Variants in NELL1 observed in about 807,000 individuals in gnomAD.
The protein encoded by NELL1 is neural EGFL like 1.
Under a neutral mutation model 107.4 loss-of-function variants are expected in NELL1, and 76 were observed. That is an observed-to-expected ratio of 0.71 (90% CI 0.59 to 0.86). The LOEUF (loss-of-function observed/expected upper bound fraction) is 0.86. NELL1 is among the 40% of genes least tolerant of loss of function. The pLI, the probability that NELL1 is intolerant of heterozygous loss-of-function variation, is 0.00. For missense variants in NELL1, 1,024 were observed against 1,005.5 expected, an observed-to-expected ratio of 1.02 and a Z score of -0.25; for synonymous variants, 353 against 341.2, an observed-to-expected ratio of 1.03 and a Z score of -0.38.
At chr11:21,170,436 G>A (rs1856579069) in intron 13 of NELL1, among the ~76,000 whole-genome samples, 1 of 151,664 alleles carries the variant, frequency 6.6e-6, no homozygotes, top group African/African-American at 2.4e-5. Flanking sequence ...CAGGAGTAAA[G>A]GCTGATCCAC....
rs1252653762 is a variant in NELL1, at chr11:20,756,601, T to A, written c.185-27079T>A. ...TGGTCTGGATCTCCTGACCTCGTGATCCGCCCACCTTGGCCTCCGAAAGTG... is the reference window on the plus strand; with the variant it reads ...TGGTCTGGATCTCCTGACCTCGTGAACCGCCCACCTTGGCCTCCGAAAGTG... On this transcript the variant is annotated intron_variant, in intron 2 of 19. Transcript: ENST00000357134. Among the ~76,000 whole-genome samples the A allele has an allele frequency of 2.0e-5, 3 of 146,934 alleles. No homozygotes were observed. The Admixed American group carries it at 2.1e-4, about 10-fold the overall frequency.
At chr11:21,341,432 G>A (rs746232765) in intron 14 of NELL1, among the ~76,000 whole-genome samples, 5 of 152,166 alleles carry the variant, frequency 3.3e-5, no homozygotes, top group Non-Finnish European at 5.9e-5. Flanking sequence ...GTGTGTGGCA[G>A]GCAAAGGGGA....
At chr11:21,137,111 T>C (rs191352830) in intron 13 of NELL1, among the ~76,000 whole-genome samples, 50 of 152,316 alleles carry the variant, frequency 3.3e-4, no homozygotes, top group Non-Finnish European at 6.6e-4. Context: ...TTTAAATTCA[T>C]GGTGAATTCA....
intron 3 of NELL1, among the ~76,000 whole-genome samples, chr11:20,812,835 C>T (rs868602884): frequency 4.9e-4 from 73 of 150,424 alleles, no homozygotes; most frequent in Middle Eastern, 3.4e-3. Context: ...GGTGAAACCC[C>T]GTCTGTACTA....
Position 21,370,582 on chromosome 11 carries a change from A to ATACT in NELL1, c.1550-271_1550-270insTACT, listed in dbSNP as rs1435083042. ...GATTTCAAATGTATAAATGAGAGTA[A>ATACT]AAGTTATAGCGGTTACTACTAGCTA... On this transcript the variant is annotated intron_variant, in intron 14 of 19. Transcript: ENST00000357134. Among the ~76,000 whole-genome samples, 3 of 152,118 alleles carry ATACT rather than the reference A, an allele frequency of 2.0e-5. No homozygotes were observed. In the East Asian group the frequency reaches 5.8e-4, roughly 29 times the overall value.
intron 7 of NELL1, among the ~76,000 whole-genome samples, chr11:20,920,455 G>GA (rs1431124855): frequency 6.6e-6 from 1 of 152,096 alleles, no homozygotes; most frequent in East Asian, 1.9e-4. Context: ...GGAAAGGAGA[G>GA]ATGGAAAACT....
At chr11:21,003,750 G>C (rs1217630529) in intron 12 of NELL1, among the ~76,000 whole-genome samples, 1 of 152,022 alleles carries the variant, frequency 6.6e-6, no homozygotes, top group Non-Finnish European at 1.5e-5. Context: ...GAAACAAACT[G>C]TGAGCACTAA....
chr11:20,791,079 A>G (rs1335014120), intron 3 of NELL1, among the ~76,000 whole-genome samples: 1 of 152,128 alleles, frequency 6.6e-6, no homozygotes, highest in Non-Finnish European at 1.5e-5. Context: ...TTTCATATGA[A>G]TTTTAGGACC....
chr11:21,090,208 G>T (rs1197350734), intron 12 of NELL1, among the ~76,000 whole-genome samples: 1 of 152,126 alleles, frequency 6.6e-6, no homozygotes, highest in African/African-American at 2.4e-5. Flanking sequence ...GGTCTCAGCT[G>T]GGTTTATAAA....
intron 2 of NELL1, among the ~76,000 whole-genome samples, chr11:20,720,352 C>T (rs1454823260): frequency 6.6e-6 from 1 of 151,740 alleles, no homozygotes; most frequent in Non-Finnish European, 1.5e-5. Context: ...GGACTACAGG[C>T]GTGCGCCACC....
Position 20,917,022 on chromosome 11 carries a change from A to C in NELL1, c.604-1160A>C, listed in dbSNP as rs543417609. ...GTCTCAAATTGCCACATGTGCTTGAAGGTGTGATAGCCTCTCAAAGAGTTA... is the reference window on the plus strand; with the variant it reads ...GTCTCAAATTGCCACATGTGCTTGACGGTGTGATAGCCTCTCAAAGAGTTA... On this transcript the variant is annotated intron_variant, in intron 5 of 19. Coordinates refer to ENST00000357134, the MANE Select transcript of NELL1 (RefSeq NM_006157.5). 1.8e-4 allele frequency among the ~76,000 whole-genome samples: 28 copies of C among 151,892 alleles called. 1 individual carries two copies. Among genetic ancestry groups the C allele is most frequent in the Admixed American group, 2.0e-4 (3 of 15,214 alleles).
intron 13 of NELL1, among the ~76,000 whole-genome samples, chr11:21,217,897 G>C (rs1857657260): frequency 6.6e-6 from 1 of 152,182 alleles, no homozygotes; most frequent in South Asian, 2.1e-4. Context: ...ACTGACGCCA[G>C]AGTCACTGTT....
chr11:21,242,764 C>T (rs1305780554), intron 14 of NELL1, among the ~76,000 whole-genome samples: 1 of 152,124 alleles, frequency 6.6e-6, no homozygotes, highest in Non-Finnish European at 1.5e-5. Flanking sequence ...AAATTAAAGA[C>T]AGTTGCTTTT....
At chr11:20,773,988 T>TTC (rs1032941662) in intron 2 of NELL1, among the ~76,000 whole-genome samples, 1 of 151,376 alleles carries the variant, frequency 6.6e-6, no homozygotes, top group Non-Finnish European at 1.5e-5. Flanking sequence ...CTTTCTTCTC[T>TTC]TCTCTCTCTC....
At position 21,458,450 on chromosome 11, in the gene NELL1, A is replaced by G. The variant is rs116714601; in HGVS notation, c.1646-75924A>G. Among the ~76,000 whole-genome samples, 1,032 of 152,318 alleles carry G rather than the reference A, an allele frequency of 6.8e-3. 10 individuals are homozygous for G. Among genetic ancestry groups the G allele is most frequent in the African/African-American group, 0.024 (986 of 41,596 alleles). The stretch of plus-strand genomic sequence containing the variant: ...TCACAGAATCATTTATAATAAGGAA[A>G]AAAGGAAACAATCTTTATGCTGAAC... On this transcript the variant is annotated intron_variant, in intron 15 of 19. Coordinates refer to ENST00000357134, the MANE Select transcript of NELL1 (RefSeq NM_006157.5).
At chr11:20,864,117 AC>A (rs1564940036) in intron 4 of NELL1, among the ~76,000 whole-genome samples, 4 of 139,696 alleles carry the variant, frequency 2.9e-5, no homozygotes, top group African/African-American at 1.3e-4. Flanking sequence ...GGAGAGGGAG[AC>A]TGTGGGGAGA....
intron 2 of NELL1, among the ~76,000 whole-genome samples, chr11:20,707,053 C>G (rs1187049909): frequency 6.6e-6 from 1 of 152,168 alleles, no homozygotes; most frequent in Non-Finnish European, 1.5e-5. Context: ...TTCTTGGAGG[C>G]TTTGTTCATT....
intron 2 of NELL1, among the ~76,000 whole-genome samples, chr11:20,747,964 T>G (rs985797350): frequency 4.6e-5 from 7 of 152,136 alleles, no homozygotes; most frequent in African/African-American, 1.7e-4. Flanking sequence ...AAATTTGTAT[T>G]CTTAGTGGCT....
At chr11:20,961,454 A>ATG (rs1851289510) in intron 12 of NELL1, among the ~76,000 whole-genome samples, 2 of 152,062 alleles carry the variant, frequency 1.3e-5, no homozygotes, top group African/African-American at 4.8e-5. Flanking sequence ...CATTAATAAT[A>ATG]CCTTGCACCA....
Sources: allele counts gnomAD v4.1 joint callset (sites outside exome capture counted in the v4.1 genomes callset), GRCh38; gene constraint gnomAD v4.1.1; transcripts MANE v1.5; gene names NCBI Gene and HGNC (gene_info 2026-07-23, HGNC 2026-07-21).